Variants in SNX29 observed in about 807,000 individuals in gnomAD.
SNX29 encodes sorting nexin-29.
SNX29 carries 78 observed loss-of-function variants against 102.1 expected under a neutral mutation model. That is an observed-to-expected ratio of 0.76 (90% CI 0.64 to 0.92). SNX29 has a LOEUF of 0.92. Ranked by LOEUF, SNX29 falls within the 40% of genes least tolerant of loss-of-function variation. The pLI is 0.00. For synonymous variants in SNX29, 580 were observed against 414.5 expected (o/e 1.40, Z -4.85); for missense variants, 1,280 against 1,061.7 (o/e 1.21, Z -2.86).
intron 16 of SNX29, among the ~76,000 whole-genome samples, chr16:12,389,559 T>C (rs1419639116): frequency 6.6e-6 from 1 of 152,186 alleles, no homozygotes; most frequent in Non-Finnish European, 1.5e-5. Context: ...CCATTAAACC[T>C]CTTTCCTTTA....
intron 11 of SNX29, chr16:12,087,160 T>G (rs1397874016): frequency 6.5e-6 from 1 of 153,050 alleles, no homozygotes. Flanking sequence ...TGTGGGAGGC[T>G]GAGGTGGGTA....
intron 2 of SNX29, 111 bp from the exon 3 acceptor site, chr16:12,002,880 C>G (rs1471985194): frequency 5.0e-6 from 6 of 1,205,150 alleles, no homozygotes; most frequent in Non-Finnish European, 7.3e-6. Context: ...GCATGCAGAG[C>G]TTCTGGTCCC....
intron 1 of SNX29, among the ~76,000 whole-genome samples, chr16:11,982,555 G>A (rs934701685): frequency 3.3e-5 from 5 of 151,156 alleles, no homozygotes; most frequent in Non-Finnish European, 5.9e-5. Flanking sequence ...TCAGCCTCCC[G>A]AGTAGCTGGG....
intron 13 of SNX29, among the ~76,000 whole-genome samples, chr16:12,169,869 G>T (rs1322198793): frequency 6.6e-6 from 1 of 151,902 alleles, no homozygotes; most frequent in Non-Finnish European, 1.5e-5. Context: ...GCCGCCTCCT[G>T]GGTTCAAGTG....
chr16:12,485,853 C>T (rs2088203232), intron 19 of SNX29, among the ~76,000 whole-genome samples: 2 of 152,142 alleles, frequency 1.3e-5, no homozygotes, highest in African/African-American at 2.4e-5. Flanking sequence ...AGGCTTCCTG[C>T]AGGAGGCGAA....
intron 20 of SNX29, among the ~76,000 whole-genome samples, chr16:12,562,389 A>G (rs541859672): frequency 6.6e-6 from 1 of 152,306 alleles, no homozygotes; most frequent in South Asian, 2.1e-4. Context: ...ACAGCTCAAG[A>G]GACAGATCAC....
rs116551934 is a variant in SNX29, at chr16:12,553,061, G to A, written c.2319-15445G>A. On this transcript the variant is annotated intron_variant, in intron 20 of 20. Transcript: ENST00000566228. ...GGGACACTAATTGGAGATGGTAACT[G>A]CAAAGCAACACTCACCTGCATATAG... Among the ~76,000 whole-genome samples the A allele has an allele frequency of 3.5e-3, 538 of 152,352 alleles. 7 individuals are homozygous for A. The highest frequency in any genetic ancestry group is 0.012 in the African/African-American group (508 of 41,574).
intron 13 of SNX29, among the ~76,000 whole-genome samples, chr16:12,144,522 A>G (rs1211216885): frequency 6.6e-6 from 1 of 152,202 alleles, no homozygotes; most frequent in Non-Finnish European, 1.5e-5. Context: ...CTGTTATAAA[A>G]GGGCTAGCTG....
chr16:12,269,110 T>C lies in SNX29; in HGVS notation c.1679-8823T>C, dbSNP rs527853288. ...CTACCAAACACAGTCTCCCTGTCTA[T>C]TTGAATATAAGGAGAGAAGGCTTCT... On this transcript the variant is annotated intron_variant, in intron 14 of 20. Transcript: ENST00000566228. Among the ~76,000 whole-genome samples, 30 of 152,370 alleles carry C rather than the reference T, an allele frequency of 2.0e-4. 1 individual carries two copies. In the South Asian group the frequency reaches 5.6e-3, roughly 28 times the overall value.
At chr16:12,201,094 C>G (rs1374590774) in intron 14 of SNX29, among the ~76,000 whole-genome samples, 1 of 152,122 alleles carries the variant, frequency 6.6e-6, no homozygotes, top group Non-Finnish European at 1.5e-5. Context: ...TCAGGATCAG[C>G]TTATTGGTGA....
At chr16:12,279,494 C>G (rs375069475) in intron 15 of SNX29, among the ~76,000 whole-genome samples, 1 of 152,182 alleles carries the variant, frequency 6.6e-6, no homozygotes, top group Non-Finnish European at 1.5e-5. Flanking sequence ...CTCCTGTGTG[C>G]TCTCTGCCCA....
intron 19 of SNX29, among the ~76,000 whole-genome samples, chr16:12,484,315 C>G (rs192744361): frequency 5.0e-4 from 76 of 152,320 alleles, no homozygotes; most frequent in African/African-American, 1.8e-3. Flanking sequence ...CCCCTGGCTC[C>G]TGTTTAGATT....
At chr16:12,166,951 C>T (rs994901789) in intron 13 of SNX29, among the ~76,000 whole-genome samples, 1 of 152,226 alleles carries the variant, frequency 6.6e-6, no homozygotes, top group Non-Finnish European at 1.5e-5. Flanking sequence ...TGGGTTGCTG[C>T]ATGGAGCTCT....
intron 13 of SNX29, among the ~76,000 whole-genome samples, chr16:12,192,045 G>A (rs770515232): frequency 2.6e-5 from 4 of 152,220 alleles, no homozygotes; most frequent in Non-Finnish European, 5.9e-5. Flanking sequence ...ATTACCAAAT[G>A]TACTTACCAG....
chr16:12,120,881 C>T (rs987517623), intron 11 of SNX29, among the ~76,000 whole-genome samples: 4 of 152,100 alleles, frequency 2.6e-5, no homozygotes, highest in African/African-American at 7.2e-5. Flanking sequence ...AAAAGCTCAA[C>T]GGGAGCCTGA....
chr16:12,561,602 GA>G (rs1208730399), intron 20 of SNX29, among the ~76,000 whole-genome samples: 1 of 152,044 alleles, frequency 6.6e-6, no homozygotes, highest in Non-Finnish European at 1.5e-5. Context: ...CTGGTGACAG[GA>G]CACAACGCAG....
chr16:12,328,778 C>T (rs1202720003), intron 15 of SNX29, among the ~76,000 whole-genome samples: 1 of 151,976 alleles, frequency 6.6e-6, no homozygotes, highest in Admixed American at 6.6e-5. Context: ...TCATTATTGC[C>T]ACAAATGCTT....
chr16:12,421,835 G>C (rs972620500), intron 18 of SNX29, among the ~76,000 whole-genome samples: 2 of 140,818 alleles, frequency 1.4e-5, no homozygotes, highest in Admixed American at 7.2e-5. Flanking sequence ...CACTAGCCAT[G>C]CATCACCATC....
Position 12,191,200 on chromosome 16 carries a change from G to T in SNX29, c.1596-8401G>T, listed in dbSNP as rs563519022. On this transcript the variant is annotated intron_variant, in intron 13 of 20. Coordinates refer to ENST00000566228, the MANE Select transcript of SNX29 (RefSeq NM_032167.5). ...GCTCCTATGAGAATCTAAGGCTGCT[G>T]CTGATCTGACAGGAGAGAGAGTTCA... 2.0e-5 allele frequency among the ~76,000 whole-genome samples: 3 copies of T among 152,308 alleles called. No individual in the cohort carries two copies. In the South Asian group the frequency reaches 6.2e-4, roughly 32 times the overall value.
Sources: allele counts gnomAD v4.1 joint callset (sites outside exome capture counted in the v4.1 genomes callset), GRCh38; gene constraint gnomAD v4.1.1; transcripts MANE v1.5; gene names NCBI Gene and HGNC (gene_info 2026-07-23, HGNC 2026-07-21).